DOCK5: variants seen among roughly 807,000 people sequenced by gnomAD.
DOCK5 encodes the protein dedicator of cytokinesis protein 5.
In DOCK5, 142 loss-of-function variants were observed where a neutral mutation model predicts 251.8. The ratio of observed to expected loss-of-function variants is 0.56; its 90% confidence interval spans 0.49 to 0.65. DOCK5 has a LOEUF of 0.65. DOCK5 is among the 30% of genes least tolerant of loss of function. The pLI is 0.00. For synonymous variants in DOCK5, 842 were observed against 835.5 expected, an observed-to-expected ratio of 1.01 and a Z score of -0.13; for missense variants, 2,111 against 2,312.3, an observed-to-expected ratio of 0.91 and a Z score of 1.79.
intron 22 of DOCK5, among the ~76,000 whole-genome samples, chr8:25,338,418 A>C (rs1805868370): frequency 6.6e-6 from 1 of 152,082 alleles, no homozygotes; most frequent in African/African-American, 2.4e-5. Flanking sequence ...TTATTCTTTC[A>C]GCATTTGATT....
rs1336133395 is a variant in DOCK5 at position 25,340,983 on chromosome 8, A to G, written c.2434A>G (p.Ile812Val). The stretch of plus-strand genomic sequence containing the variant: ...CAGGCCTCTGGAGGAAGCCGTCAAG[A>G]TCAAGGTCAGCCTGGCAGCATCATG... ...MDRPLEEAVK[I>V]KGAALKYLPS... Residue 812 changes from isoleucine to valine, a missense_variant, in exon 23 of 52, where the codon ATC (isoleucine) becomes GTC (valine). Transcript: ENST00000276440. 6.2e-7 allele frequency: 1 copy of G among 1,610,980 alleles called. No individual in the cohort carries two copies. The highest frequency in any genetic ancestry group is 1.7e-5 in the Admixed American group (1 of 59,664).
rs890615019 is a variant in DOCK5, at chr8:25,358,441, A to G, written c.2851-522A>G. Among the ~76,000 whole-genome samples the G allele has an allele frequency of 2.0e-5, 3 of 152,174 alleles. No homozygotes were observed. In the South Asian group the frequency reaches 6.2e-4, roughly 32 times the overall value. ...AACACATGGGGATAATGGGAACTAC[A>G]ATTCAAGATGAGATTTGGGTGGGGA... On this transcript the variant is annotated intron_variant, in intron 27 of 51. Transcript: ENST00000276440.
At chr8:25,306,517 AC>A (rs1804933873) in intron 11 of DOCK5, among the ~76,000 whole-genome samples, 1 of 151,976 alleles carries the variant, frequency 6.6e-6, no homozygotes, top group Non-Finnish European at 1.5e-5. Context: ...CCACGGTGAA[AC>A]CCTGTCTCTA....
intron 8 of DOCK5, among the ~76,000 whole-genome samples, chr8:25,299,935 A>C (rs1485571036): frequency 6.6e-6 from 1 of 152,098 alleles, no homozygotes; most frequent in Non-Finnish European, 1.5e-5. Context: ...TTCTTTTTTT[A>C]TCTTTTATTT....
At chr8:25,219,222 A>G (rs1439821080) in intron 1 of DOCK5, among the ~76,000 whole-genome samples, 1 of 152,176 alleles carries the variant, frequency 6.6e-6, no homozygotes, top group Non-Finnish European at 1.5e-5. Context: ...GCTGAATAAA[A>G]TATGTATTAT....
At chr8:25,381,480 G>A (rs1179712841) in intron 39 of DOCK5, among the ~76,000 whole-genome samples, 1 of 152,032 alleles carries the variant, frequency 6.6e-6, no homozygotes, top group Non-Finnish European at 1.5e-5. Flanking sequence ...TAAAAAATTA[G>A]CTGGGTGTGG....
chr8:25,315,250 A>G (rs1805213205), intron 13 of DOCK5, among the ~76,000 whole-genome samples: 1 of 150,686 alleles, frequency 6.6e-6, no homozygotes, highest in Admixed American at 6.6e-5. Context: ...GTTGTCTCCT[A>G]CCTCTGGGCC....
chr8:25,317,505 A>G (rs1045698089), intron 14 of DOCK5: 43 of 171,404 alleles, frequency 2.5e-4, no homozygotes, highest in Admixed American at 2.3e-4. Context: ...ATCAGAAAGC[A>G]TGTTTCCTTC....
chr8:25,352,224 A>G lies in DOCK5; in HGVS notation c.2850+398A>G, dbSNP rs573641840. The stretch of plus-strand genomic sequence containing the variant: ...CAATAGCCTGCCTTTGAAAAAGAAA[A>G]AAAAAAAAAAAGCAGCAAGCAGGGA... On this transcript the variant is annotated intron_variant, in intron 27 of 51. Coordinates refer to ENST00000276440, the MANE Select transcript of DOCK5 (RefSeq NM_024940.8). Among the ~76,000 whole-genome samples the G allele has an allele frequency of 2.2e-3, 330 of 149,150 alleles. 1 individual carries two copies. The highest frequency in any genetic ancestry group is 3.7e-3 in the Non-Finnish European group (247 of 67,286).
intron 41 of DOCK5, among the ~76,000 whole-genome samples, chr8:25,389,820 A>G (rs550212062): frequency 1.3e-5 from 2 of 152,322 alleles, no homozygotes; most frequent in South Asian, 4.1e-4. Context: ...AACAGACGGG[A>G]TCCAAAGATA....
intron 1 of DOCK5, among the ~76,000 whole-genome samples, chr8:25,229,298 A>G (rs1197272948): frequency 6.6e-6 from 1 of 152,152 alleles, no homozygotes; most frequent in Admixed American, 6.6e-5. Flanking sequence ...CCTGACCAAC[A>G]TAGTGAAACC....
At chr8:25,398,365 G>A (rs1231304573) in intron 45 of DOCK5, among the ~76,000 whole-genome samples, 2 of 152,088 alleles carry the variant, frequency 1.3e-5, no homozygotes, top group Non-Finnish European at 2.9e-5. Flanking sequence ...GAGCTGTTTT[G>A]CTAATGTATT....
chr8:25,246,801 T>G (rs1163998868), intron 2 of DOCK5, among the ~76,000 whole-genome samples: 1 of 151,126 alleles, frequency 6.6e-6, no homozygotes, highest in African/African-American at 2.5e-5. Flanking sequence ...TGTGTTGTTT[T>G]GTCAAGCTTT....
At chr8:25,188,907 A>G (rs79476186) in intron 1 of DOCK5, among the ~76,000 whole-genome samples, 10,872 of 152,202 alleles carry the variant, frequency 0.071, 527 homozygotes, top group African/African-American at 0.13. Context: ...AGTGATAAAT[A>G]TCCAGAATAG....
chr8:25,207,288 C>G (rs1802023307), intron 1 of DOCK5, among the ~76,000 whole-genome samples: 1 of 152,178 alleles, frequency 6.6e-6, no homozygotes, highest in African/African-American at 2.4e-5. Context: ...GATATAGAAG[C>G]TGTGGCAAGT....
chr8:25,294,449 T>C (rs1804568850), intron 6 of DOCK5, among the ~76,000 whole-genome samples: 1 of 152,212 alleles, frequency 6.6e-6, no homozygotes, highest in Admixed American at 6.5e-5. Context: ...GAATGCATGC[T>C]GGGTATTCGG....
At chr8:25,344,750 A>G (rs1800326776) in intron 25 of DOCK5, among the ~76,000 whole-genome samples, 1 of 152,254 alleles carries the variant, frequency 6.6e-6, no homozygotes, top group Admixed American at 6.5e-5. Flanking sequence ...TTATTACTAA[A>G]CATTTTAATA....
chr8:25,408,233 C>T (rs1434441743), intron 49 of DOCK5, 79 bp downstream of exon 49: 10 of 1,425,660 alleles, frequency 7.0e-6, no homozygotes, highest in Non-Finnish European at 9.4e-6. Context: ...TCACCATCCC[C>T]TCCCAGATTG....
intron 2 of DOCK5, among the ~76,000 whole-genome samples, chr8:25,252,244 G>A (rs962481029): frequency 6.6e-6 from 1 of 152,014 alleles, no homozygotes; most frequent in African/African-American, 2.4e-5. Flanking sequence ...CATGCACAGT[G>A]GTCAGAAGCC....
Sources: allele counts gnomAD v4.1 joint callset (sites outside exome capture counted in the v4.1 genomes callset), GRCh38; gene constraint gnomAD v4.1.1; transcripts MANE v1.5; gene names NCBI Gene and HGNC (gene_info 2026-07-23, HGNC 2026-07-21).